Variants in NGEF observed in about 807,000 individuals in gnomAD.
NGEF encodes neuronal guanine nucleotide exchange factor.
In NGEF, 31 loss-of-function variants were observed where a neutral mutation model predicts 80.9. The ratio of observed to expected loss-of-function variants is 0.38; its 90% CI spans 0.29 to 0.52. The LOEUF (loss-of-function observed/expected upper bound fraction) is 0.52, where lower values mean the gene tolerates loss of function less well. Among genes scored for constraint, NGEF ranks in the 20% least tolerant of loss-of-function variants. NGEF has a pLI of 0.84. For synonymous variants in NGEF, 371 were observed against 370.2 expected (o/e 1.00, Z -0.03); for missense variants, 709 against 926.2 (o/e 0.77, Z 3.04).
rs182762014 is a variant in NGEF, at chr2:232,962,352, C to T, written c.383+7862G>A. ...AGGCGTTCAAGACCAGCCTGGTCAA[C>T]ATGGTGAAACCCTGTCTCTACTAAA... On this transcript the variant is annotated intron_variant, in intron 3 of 14. Coordinates refer to ENST00000264051, the MANE Select transcript of NGEF (RefSeq NM_019850.3). 4.7e-3 allele frequency among the ~76,000 whole-genome samples: 706 copies of T among 151,356 alleles called. 12 individuals carry two copies. Among genetic ancestry groups the T allele is most frequent in the African/African-American group, 0.017 (686 of 40,670 alleles).
intron 1 of NGEF, among the ~76,000 whole-genome samples, chr2:233,003,184 C>T (rs2106344578): frequency 6.6e-6 from 1 of 152,300 alleles, no homozygotes; most frequent in South Asian, 2.1e-4. Context: ...ATTCCTGGTG[C>T]ATACAAGACA....
chr2:232,888,927 C>T (rs948592305), intron 8 of NGEF, among the ~76,000 whole-genome samples: 6 of 152,208 alleles, frequency 3.9e-5, no homozygotes, highest in Non-Finnish European at 7.3e-5. Context: ...TTCCTCTTAG[C>T]GGTCCCCACC....
Position 232,879,420 on chromosome 2 carries a change from G to GCCCC in NGEF, c.*65_*68dup, listed in dbSNP as rs67252740. ...GAGGTGCTGGCCTGTGCTTCCCAGA[G>GCCCC]CCCCCCCCCCCCCACCTTCTGTCGG... On this transcript the variant is annotated 3_prime_UTR_variant, in exon 15 of 15. Transcript: ENST00000264051. The GCCCC allele has an allele frequency of 4.6e-5, 57 of 1,231,466 alleles. 2 individuals carry two copies. The highest frequency in any genetic ancestry group is 3.8e-4 in the South Asian group (25 of 65,296). The allele number at this position is 1,231,466 out of a possible 1,614,324, so 76.3% of individuals were successfully genotyped here. A position where few individuals can be genotyped will look rare whatever the true frequency, so the allele number is the denominator to read the frequency against.
intron 3 of NGEF, among the ~76,000 whole-genome samples, chr2:232,930,406 G>T (rs1271866153): frequency 1.3e-5 from 2 of 151,496 alleles, no homozygotes; most frequent in African/African-American, 4.9e-5. Context: ...TGCAACTTCT[G>T]CCTCCCGGGT....
chr2:232,971,264 C>A (rs1261592365), intron 2 of NGEF, among the ~76,000 whole-genome samples: 1 of 152,210 alleles, frequency 6.6e-6, no homozygotes, highest in Non-Finnish European at 1.5e-5. Flanking sequence ...CCCCAGCCCC[C>A]ACCCCGTGCT....
intron 1 of NGEF, among the ~76,000 whole-genome samples, chr2:232,984,060 G>C (rs140152147): frequency 1.3e-5 from 2 of 152,110 alleles, no homozygotes; most frequent in Non-Finnish European, 2.9e-5. Context: ...AAGAGCATGC[G>C]CTTTCCTGAT....
intron 10 of NGEF, among the ~76,000 whole-genome samples, chr2:232,884,490 G>A (rs535851118): frequency 2.0e-5 from 3 of 152,362 alleles, no homozygotes; most frequent in African/African-American, 7.2e-5. Context: ...GTGCACTGCT[G>A]TGTGGATACC....
Position 232,916,414 on chromosome 2 carries a change from C to T in NGEF, c.828+3870G>A, listed in dbSNP as rs148455913. On this transcript the variant is annotated intron_variant, in intron 5 of 14. Transcript: ENST00000264051. Reference sequence around the variant, plus strand: ...GCAGTTGGGCACCAGTGGCTGTGCACAAATTGCGTCCCTTATATTATCGTG... The same window carrying T: ...GCAGTTGGGCACCAGTGGCTGTGCATAAATTGCGTCCCTTATATTATCGTG... Among the ~76,000 whole-genome samples, 904 of 152,062 alleles carry T rather than the reference C, an allele frequency of 5.9e-3. 10 individuals are homozygous for T. The highest frequency in any genetic ancestry group is 0.021 in the African/African-American group (877 of 41,472).
intron 6 of NGEF, 46 bp from the exon 7 acceptor site, chr2:232,893,096 G>T (rs1373648561): frequency 6.3e-7 from 1 of 1,583,318 alleles, no homozygotes; most frequent in Non-Finnish European, 8.6e-7. Flanking sequence ...GGGGGGTAGG[G>T]TGGGGAATTG....
chr2:232,944,382 T>G (rs1333060776), intron 3 of NGEF, among the ~76,000 whole-genome samples: 1 of 152,190 alleles, frequency 6.6e-6, no homozygotes, highest in Non-Finnish European at 1.5e-5. Flanking sequence ...TGTGGCATTA[T>G]TTTTGAAAGT....
intron 5 of NGEF, among the ~76,000 whole-genome samples, chr2:232,904,898 G>C (rs1442174560): frequency 6.6e-6 from 1 of 152,126 alleles, no homozygotes; most frequent in Non-Finnish European, 1.5e-5. Context: ...AGCTGTGATC[G>C]CACCACTGCA....
intron 5 of NGEF, chr2:232,905,707 GC>G (rs1196495719): frequency 5.0e-6 from 2 of 398,802 alleles, no homozygotes; most frequent in Non-Finnish European, 1.0e-5. Flanking sequence ...GAGCATCTCC[GC>G]CCGGCCGCCC....
In NGEF at chr2:232,968,093, C is replaced by CTTTTTTTTTT. The variant is rs1274944227; in HGVS notation, c.383+2111_383+2120dup. Among the ~76,000 whole-genome samples the CTTTTTTTTTT allele has an allele frequency of 7.2e-3, 911 of 125,706 alleles. 32 individuals carry two copies. Among genetic ancestry groups the CTTTTTTTTTT allele is most frequent in the Non-Finnish European group, 0.01 (636 of 61,184 alleles). 82.5% of individuals were successfully genotyped at this position (125,706 alleles called of 152,430 possible). ...TTGCTGAGGGCAGAAACAGACCTGG[C>CTTTTTTTTTT]TTTTTTTTTTTTGAGACAAAGTTTC... On this transcript the variant is annotated intron_variant, in intron 3 of 14. Transcript: ENST00000264051.
intron 5 of NGEF, among the ~76,000 whole-genome samples, chr2:232,918,582 A>G (rs888353544): frequency 6.6e-6 from 1 of 151,148 alleles, no homozygotes; most frequent in African/African-American, 2.4e-5. Context: ...TTATGTTGTA[A>G]AAGGTTTCTA....
chr2:232,909,733 C>G (rs971272544), intron 5 of NGEF, among the ~76,000 whole-genome samples: 1 of 152,126 alleles, frequency 6.6e-6, no homozygotes, highest in Non-Finnish European at 1.5e-5. Flanking sequence ...TCCCCCCACA[C>G]CTAACCCTTG....
At position 233,007,015 on chromosome 2, in the gene NGEF, G is replaced by A. The variant is rs144543817; in HGVS notation, c.-75+6053C>T. On this transcript the variant is annotated intron_variant, in intron 1 of 14. Coordinates refer to ENST00000264051, the MANE Select transcript of NGEF (RefSeq NM_019850.3). ...ATCCCAGCCCTTTGGGGCCTGAGGCGGGCTGATCACTTGAGTCCAGGAGTT... is the reference window on the plus strand; with the variant it reads ...ATCCCAGCCCTTTGGGGCCTGAGGCAGGCTGATCACTTGAGTCCAGGAGTT... Among the ~76,000 whole-genome samples the A allele has an allele frequency of 4.9e-3, 743 of 152,278 alleles. 7 individuals carry two copies. Among genetic ancestry groups the A allele is most frequent in the African/African-American group, 0.017 (700 of 41,556 alleles).
intron 5 of NGEF, among the ~76,000 whole-genome samples, chr2:232,904,130 C>A (rs1418297731): frequency 6.6e-6 from 1 of 152,114 alleles, no homozygotes; most frequent in Non-Finnish European, 1.5e-5. Flanking sequence ...CTTCTCGCTC[C>A]CCAGCAGGAC....
chr2:232,996,290 T>C (rs1352704217), intron 1 of NGEF, among the ~76,000 whole-genome samples: 1 of 152,120 alleles, frequency 6.6e-6, no homozygotes, highest in Admixed American at 6.5e-5. Flanking sequence ...ATTGTGCCGC[T>C]GCACTCCAGC....
intron 1 of NGEF, among the ~76,000 whole-genome samples, chr2:232,993,475 GT>G (rs1257801509): frequency 6.6e-6 from 1 of 151,954 alleles, no homozygotes; most frequent in Non-Finnish European, 1.5e-5. Flanking sequence ...AGATGGGAAT[GT>G]AAAATGGTTG....
Sources: allele counts gnomAD v4.1 joint callset (sites outside exome capture counted in the v4.1 genomes callset), GRCh38; gene constraint gnomAD v4.1.1; transcripts MANE v1.5; gene names NCBI Gene and HGNC (gene_info 2026-07-23, HGNC 2026-07-21).